Variants in PTAFR observed in about 807,000 individuals in gnomAD.
The protein encoded by PTAFR is platelet-activating factor receptor.
Under a neutral mutation model 14.7 loss-of-function variants are expected in PTAFR, and 8 were observed. The ratio of observed to expected loss-of-function variants is 0.54; its 90% CI spans 0.32 to 0.98. The LOEUF (loss-of-function observed/expected upper bound fraction) is 0.98. Among genes scored for constraint, PTAFR ranks in the 50% least tolerant of loss-of-function variants. The pLI is 0.04. For synonymous variants in PTAFR, 156 were observed against 176.5 expected, an observed-to-expected ratio of 0.88 and a Z score of 0.92; for missense variants, 337 against 451.2, an observed-to-expected ratio of 0.75 and a Z score of 2.29.
chr1:28,158,617 G>C lies in PTAFR; in HGVS notation c.-38-7558C>G, dbSNP rs562575331. Among the ~76,000 whole-genome samples, 13 of 152,202 alleles carry C rather than the reference G, an allele frequency of 8.5e-5. 1 individual carries two copies. The highest frequency in any genetic ancestry group is 2.4e-4 in the African/African-American group (10 of 41,522). ...GGAGGCTGAGGCAGGAGAATCGCTT[G>C]AACCCAGTAGGTGGAGGTTGCAGTG... On this transcript the variant is annotated intron_variant, in intron 1 of 1. Transcript: ENST00000373857.
intron 1 of PTAFR, among the ~76,000 whole-genome samples, chr1:28,158,512 A>G (rs1396253254): frequency 1.3e-5 from 2 of 152,198 alleles, no homozygotes; most frequent in African/African-American, 4.8e-5. Context: ...AGCCTGACCA[A>G]CATGGTGAAA....
chr1:28,153,001 A>T (rs1646212545), intron 1 of PTAFR, among the ~76,000 whole-genome samples: 1 of 152,134 alleles, frequency 6.6e-6, no homozygotes, highest in Non-Finnish European at 1.5e-5. Flanking sequence ...AAATTTTGAA[A>T]ATACAATGTA....
chr1:28,192,159 A>C (rs1646658915), intron 1 of PTAFR, among the ~76,000 whole-genome samples: 1 of 152,142 alleles, frequency 6.6e-6, no homozygotes, highest in African/African-American at 2.4e-5. Context: ...ACAGCCTCTT[A>C]GTTGTGGTAC....
intron 1 of PTAFR, among the ~76,000 whole-genome samples, chr1:28,187,812 A>G (rs1353317837): frequency 6.6e-6 from 1 of 152,224 alleles, no homozygotes. Context: ...AGACATGGAA[A>G]TTACACATAA....
chr1:28,167,515 G>A (rs1646398600), intron 1 of PTAFR, among the ~76,000 whole-genome samples: 1 of 151,894 alleles, frequency 6.6e-6, no homozygotes, highest in South Asian at 2.1e-4. Context: ...ATTCCAAAAC[G>A]GTGCAGCCAC....
intron 1 of PTAFR, among the ~76,000 whole-genome samples, chr1:28,190,664 T>C (rs1646644679): frequency 6.6e-6 from 1 of 152,004 alleles, no homozygotes; most frequent in Non-Finnish European, 1.5e-5. Flanking sequence ...AATAACAGAA[T>C]AGAGAAAGAG....
intron 1 of PTAFR, among the ~76,000 whole-genome samples, chr1:28,151,383 G>T (rs1646186329): frequency 6.6e-6 from 1 of 152,046 alleles, no homozygotes; most frequent in Admixed American, 6.6e-5. Context: ...TCTCCATGTT[G>T]TTCAGGCTGG....
At chr1:28,168,103 T>C (rs1207334148) in intron 1 of PTAFR, among the ~76,000 whole-genome samples, 19 of 148,388 alleles carry the variant, frequency 1.3e-4, no homozygotes, top group East Asian at 2.0e-4. Context: ...GGACTACAGG[T>C]GCCCGCCACC....
intron 1 of PTAFR, 123 bp from the exon 2 acceptor site, chr1:28,151,182 TC>T: frequency 4.9e-6 from 3 of 606,850 alleles, no homozygotes; most frequent in Non-Finnish European, 8.4e-6. Context: ...TCATGTTGAA[TC>T]TTTTTTTTTT....
Position 28,148,476 on chromosome 1 carries a change from CTTTT to C in PTAFR, c.*1513_*1516del, listed in dbSNP as rs1210617119. 2 of 152,924 alleles carry C rather than the reference CTTTT, an allele frequency of 1.3e-5. No individual in the cohort carries two copies. The highest frequency in any genetic ancestry group is 2.1e-4 in the South Asian group (1 of 4,844). The allele number at this position is 152,924 out of a possible 1,614,324, so 9.5% of individuals were successfully genotyped here. On this transcript the variant is annotated 3_prime_UTR_variant, in exon 2 of 2. Transcript: ENST00000373857. ...CTGGCCTGGACAGCTCCAATTTTGC[CTTTT>C]TTGTTTGTTTGTTTGTTTTTGACAC...
At chr1:28,153,440 T>C (rs988530948) in intron 1 of PTAFR, among the ~76,000 whole-genome samples, 2 of 151,516 alleles carry the variant, frequency 1.3e-5, no homozygotes, top group African/African-American at 2.4e-5. Flanking sequence ...TAATATCTAA[T>C]AGTGTAGTAA....
At chr1:28,158,755 C>G (rs1225329754) in intron 1 of PTAFR, among the ~76,000 whole-genome samples, 1 of 151,972 alleles carries the variant, frequency 6.6e-6, no homozygotes, top group Non-Finnish European at 1.5e-5. Context: ...TCTAAGGAGT[C>G]TGGACTTTAT....
upstream of PTAFR, among the ~76,000 whole-genome samples, chr1:28,180,134 C>A (rs1557697190): frequency 6.6e-6 from 1 of 152,222 alleles, no homozygotes; most frequent in South Asian, 2.1e-4. Flanking sequence ...AACAGGGAGA[C>A]CCTGTCTCTA....
At position 28,151,071 on chromosome 1, in the gene PTAFR, C is replaced by G; in HGVS notation, c.-38-12G>C. On this transcript the variant is annotated splice_polypyrimidine_tract_variant and intron_variant, in intron 1 of 1. Transcript: ENST00000373857. Reference sequence around the variant, plus strand: ...GGTCCTGGTGGTGCCTGGAAGACCACACAAAAATTCTGGTTAATAAAGGGA... The same window carrying G: ...GGTCCTGGTGGTGCCTGGAAGACCAGACAAAAATTCTGGTTAATAAAGGGA... The G allele has an allele frequency of 1.4e-6, 2 of 1,452,806 alleles. No homozygotes were observed. The highest frequency in any genetic ancestry group is 1.9e-6 in the Non-Finnish European group (2 of 1,075,074). 90.0% of individuals were successfully genotyped at this position (1,452,806 alleles called of 1,614,324 possible). A position where few individuals can be genotyped will look rare whatever the true frequency, so the allele number is the denominator to read the frequency against.
At chr1:28,163,311 G>A (rs1450392803) in intron 1 of PTAFR, among the ~76,000 whole-genome samples, 3 of 152,186 alleles carry the variant, frequency 2.0e-5, no homozygotes, top group African/African-American at 4.8e-5. Flanking sequence ...AATTTCTGTG[G>A]CTGTTTCCTT....
chr1:28,171,803 G>A (rs1459444266), intron 1 of PTAFR, among the ~76,000 whole-genome samples: 1 of 152,098 alleles, frequency 6.6e-6, no homozygotes, highest in Admixed American at 6.6e-5. Context: ...AGGAGACTCA[G>A]CCTCTGCTCA....
At chr1:28,174,464 G>A (rs1646490555) in intron 1 of PTAFR, among the ~76,000 whole-genome samples, 1 of 152,192 alleles carries the variant, frequency 6.6e-6, no homozygotes, top group Non-Finnish European at 1.5e-5. Context: ...CCCACCACCA[G>A]TCAGAGAAAA....
At chr1:28,158,881 A>C (rs1409877262) in intron 1 of PTAFR, among the ~76,000 whole-genome samples, 1 of 152,164 alleles carries the variant, frequency 6.6e-6, no homozygotes, top group Non-Finnish European at 1.5e-5. Flanking sequence ...AGGTGATCAG[A>C]CCAGAGTCAG....
intron 1 of PTAFR, among the ~76,000 whole-genome samples, chr1:28,164,684 T>C (rs751576547): frequency 1.3e-5 from 2 of 152,214 alleles, no homozygotes; most frequent in Non-Finnish European, 2.9e-5. Flanking sequence ...ACTTGGGATT[T>C]TGAACTCCAA....
Sources: gnomAD v4.1 joint callset for allele counts (sites outside exome capture counted in the v4.1 genomes callset) on GRCh38, gnomAD v4.1.1 for gene constraint, MANE v1.5 for transcripts, NCBI Gene and HGNC (gene_info 2026-07-23, HGNC 2026-07-21) for gene names.